Variants in MTRF1 observed in about 807,000 individuals in gnomAD.
MTRF1 encodes mitochondrial translation release factor 1, also known as peptide chain release factor 1, mitochondrial.
MTRF1 carries 51 observed loss-of-function variants against 62.9 expected under a neutral mutation model. That is an observed-to-expected ratio of 0.81 (90% confidence interval 0.65 to 1.02). The LOEUF (loss-of-function observed/expected upper bound fraction) is 1.02, where lower values mean the gene tolerates loss of function less well. Ranked by LOEUF, MTRF1 falls within the 50% of genes least tolerant of loss-of-function variation. The pLI, the probability that MTRF1 is intolerant of heterozygous loss-of-function variation, is 0.00. For missense variants in MTRF1, 446 were observed against 530.0 expected (o/e 0.84, Z 1.56); for synonymous variants, 158 against 181.9 (o/e 0.87, Z 1.06).
At chr13:41,270,892 C>T in the MTRF1 span, among the ~76,000 whole-genome samples, 1 of 152,058 alleles carries the variant, frequency 6.6e-6, no homozygotes, top group Admixed American at 6.6e-5. Context: ...CATGCGCCAC[C>T]ATGCCCGGCT....
intron 3 of MTRF1, among the ~76,000 whole-genome samples, chr13:41,254,100 T>C (rs899323699): frequency 6.6e-6 from 1 of 152,172 alleles, no homozygotes; most frequent in Non-Finnish European, 1.5e-5. Context: ...TTACTAGACC[T>C]AACTAAAGAT....
chr13:41,252,026 C>T (rs181903373), intron 5 of MTRF1, among the ~76,000 whole-genome samples: 3 of 152,148 alleles, frequency 2.0e-5, no homozygotes, highest in East Asian at 3.9e-4. Context: ...ACTACAGGCA[C>T]GTGCCACCAT....
At chr13:41,224,735 G>A (rs55711129) in intron 8 of MTRF1, among the ~76,000 whole-genome samples, 6,919 of 152,262 alleles carry the variant, frequency 0.045, 234 homozygotes, top group Middle Eastern at 0.092. Flanking sequence ...CTGTATAAAA[G>A]CCAAGTGTAT....
chr13:41,276,752 G>A, the MTRF1 span, among the ~76,000 whole-genome samples: 3 of 152,178 alleles, frequency 2.0e-5, no homozygotes, highest in Non-Finnish European at 4.4e-5. Context: ...CCAGGCTGGG[G>A]GAGGAGAGGA....
Position 41,240,409 on chromosome 13 carries a change from C to G in MTRF1, c.722G>C (p.Arg241Pro), listed in dbSNP as rs200643477. Reference sequence around the variant, plus strand: ...CTTATAGACACCGTCACCGGAAATTCGGGCGGCTGCATGATGTAGTCCACC... The same window carrying G: ...CTTATAGACACCGTCACCGGAAATTGGGGCGGCTGCATGATGTAGTCCACC... ...DYGGLHHAAA[R>P]ISGDGVYKHL... Residue 241 changes from arginine (R) to proline (P), a missense_variant, in exon 6 of 10, where the codon CGA becomes CCA. Coordinates refer to ENST00000379480, the MANE Select transcript of MTRF1 (RefSeq NM_004294.4). 5.6e-5 allele frequency: 91 copies of G among 1,613,244 alleles called. No individual in the cohort carries two copies. The highest frequency in any genetic ancestry group is 7.7e-5 in the Non-Finnish European group (91 of 1,179,702).
intron 5 of MTRF1, among the ~76,000 whole-genome samples, chr13:41,246,459 G>A (rs1330786020): frequency 6.6e-6 from 1 of 152,096 alleles, no homozygotes; most frequent in East Asian, 1.9e-4. Context: ...GACAAAAATT[G>A]AGTATAGTTT....
At chr13:41,233,839 TGA>T in intron 7 of MTRF1, 49 bp downstream of exon 7, 1 of 1,406,270 alleles carries the variant, frequency 7.1e-7, no homozygotes, top group Non-Finnish European at 1.0e-6. Context: ...TTCCAAATGC[TGA>T]GTAAGATGGA....
chr13:41,263,200 T>A, intron 1 of MTRF1: 1 of 1,173,928 alleles, frequency 8.5e-7, no homozygotes, highest in Non-Finnish European at 1.1e-6. Flanking sequence ...GAATGCATAA[T>A]TTTCAAGGTC....
intron 8 of MTRF1, among the ~76,000 whole-genome samples, chr13:41,224,555 C>T (rs2034006665): frequency 2.0e-5 from 3 of 152,192 alleles, no homozygotes; most frequent in Admixed American, 2.0e-4. Flanking sequence ...CAGATCATCT[C>T]TTCTGACAAT....
At chr13:41,299,073 G>T in the MTRF1 span, among the ~76,000 whole-genome samples, 1 of 147,622 alleles carries the variant, frequency 6.8e-6, no homozygotes, top group Admixed American at 6.9e-5. Flanking sequence ...AGCTACTCAG[G>T]AGGCTGAGGC....
intron 8 of MTRF1, 59 bp from the exon 9 acceptor site, chr13:41,223,413 G>A: frequency 7.4e-7 from 1 of 1,357,216 alleles, no homozygotes; most frequent in South Asian, 1.2e-5. Context: ...CATTACAATG[G>A]AAAAAGCACT....
chr13:41,257,909 C>T (rs371448835), intron 2 of MTRF1: 198 of 204,132 alleles, frequency 9.7e-4, no homozygotes, highest in African/African-American at 4.2e-3. Flanking sequence ...GTGCCTAGCA[C>T]ATAAGAGGAC....
intron 5 of MTRF1, among the ~76,000 whole-genome samples, chr13:41,241,149 A>T (rs1046896840): frequency 6.6e-6 from 1 of 152,038 alleles, no homozygotes; most frequent in African/African-American, 2.4e-5. Flanking sequence ...GGTTCAAGTG[A>T]TTCTCCTGCC....
chr13:41,309,739 G>A, the MTRF1 span, among the ~76,000 whole-genome samples: 1 of 152,172 alleles, frequency 6.6e-6, no homozygotes, highest in Non-Finnish European at 1.5e-5. Context: ...GCTCACACCT[G>A]TAATCCCAGC....
At chr13:41,247,817 A>C (rs2038475074) in intron 5 of MTRF1, among the ~76,000 whole-genome samples, 2 of 152,058 alleles carry the variant, frequency 1.3e-5, no homozygotes, top group South Asian at 4.2e-4. Context: ...CTGGGGAAAA[A>C]ACCACAAAAT....
the MTRF1 span, among the ~76,000 whole-genome samples, chr13:41,287,051 T>C: frequency 6.6e-6 from 1 of 152,224 alleles, no homozygotes; most frequent in Non-Finnish European, 1.5e-5. Context: ...AACATAACAA[T>C]GCAACTTAGT....
chr13:41,220,567 G>A, intron 9 of MTRF1: 1 of 1,287,522 alleles, frequency 7.8e-7, no homozygotes, highest in Non-Finnish European at 1.0e-6. Flanking sequence ...GAGAATACCA[G>A]GTGATCTCAC....
At chr13:41,287,721 A>C in the MTRF1 span, 2 of 174,004 alleles carry the variant, frequency 1.1e-5, no homozygotes, top group Non-Finnish European at 2.6e-5. Flanking sequence ...GGCAGGGCTA[A>C]GAATGAGAGG....
the MTRF1 span, chr13:41,311,379 G>C: frequency 1.4e-6 from 1 of 692,168 alleles, no homozygotes; most frequent in East Asian, 2.9e-5. Flanking sequence ...GAACAGCCAG[G>C]CTGCCCAATT....
Sources: allele counts gnomAD v4.1 joint callset (sites outside exome capture counted in the v4.1 genomes callset), GRCh38; gene constraint gnomAD v4.1.1; transcripts MANE v1.5; gene names NCBI Gene and HGNC (gene_info 2026-07-23, HGNC 2026-07-21).